Variants in LRRC37A3 observed in about 807,000 individuals in gnomAD.
LRRC37A3 encodes the protein leucine rich repeat containing 37 member A3, also known as leucine-rich repeat-containing protein 37A3.
Under a neutral mutation model 106.2 loss-of-function variants are expected in LRRC37A3, and 25 were observed. The ratio of observed to expected loss-of-function variants is 0.24; its 90% CI spans 0.17 to 0.33. The LOEUF is 0.33. LRRC37A3 is among the 10% of genes least tolerant of loss of function. The pLI, the probability that LRRC37A3 is intolerant of heterozygous loss-of-function variation, is 1.00. For missense variants in LRRC37A3, 712 were observed against 1,644.9 expected (o/e 0.43, Z 9.81); for synonymous variants, 305 against 635.8 (o/e 0.48, Z 7.83).
chr17:64,874,508 G>C (rs543903864), intron 8 of LRRC37A3, among the ~76,000 whole-genome samples: 10 of 151,350 alleles, frequency 6.6e-5, no homozygotes, highest in Non-Finnish European at 4.4e-5. Flanking sequence ...CAGCCGCCCC[G>C]TCCGGGAGGT....
intron 8 of LRRC37A3, among the ~76,000 whole-genome samples, chr17:64,875,476 C>T (rs1358667820): frequency 9.2e-5 from 14 of 152,150 alleles, no homozygotes; most frequent in Admixed American, 2.0e-4. Context: ...GGAGTACTAA[C>T]GTGAATCTAC....
intron 8 of LRRC37A3, among the ~76,000 whole-genome samples, chr17:64,870,997 A>G (rs944518424): frequency 5.3e-5 from 8 of 151,206 alleles, no homozygotes; most frequent in Non-Finnish European, 8.8e-5. Context: ...AGTCTCCCAA[A>G]TAGCTGGGAC....
intron 10 of LRRC37A3, among the ~76,000 whole-genome samples, chr17:64,868,186 A>G (rs1973182453): frequency 6.6e-6 from 1 of 152,230 alleles, no homozygotes; most frequent in African/African-American, 2.4e-5. Flanking sequence ...AGGAACAGAA[A>G]TCAGATTAGT....
intron 12 of LRRC37A3, among the ~76,000 whole-genome samples, chr17:64,859,143 G>A (rs540279386): frequency 1.1e-4 from 16 of 152,114 alleles, no homozygotes; most frequent in African/African-American, 3.4e-4. Context: ...GTGGAGACAG[G>A]CTTTCACTAT....
intron 10 of LRRC37A3, among the ~76,000 whole-genome samples, chr17:64,866,229 T>G (rs1426633845): frequency 6.6e-6 from 1 of 151,766 alleles, no homozygotes; most frequent in Non-Finnish European, 1.5e-5. Flanking sequence ...AGCTGGTCGA[T>G]GAAGGGGACT....
intron 2 of LRRC37A3, among the ~76,000 whole-genome samples, chr17:64,913,710 TAATC>T (rs1325324477): frequency 1.8e-4 from 28 of 151,444 alleles, no homozygotes; most frequent in Admixed American, 1.8e-3. Context: ...AGGGGTCAAA[TAATC>T]AAGAGGACAA....
intron 8 of LRRC37A3, among the ~76,000 whole-genome samples, chr17:64,875,860 A>G (rs1973494112): frequency 6.6e-6 from 1 of 152,168 alleles, no homozygotes; most frequent in South Asian, 2.1e-4. Flanking sequence ...GATGAACATA[A>G]AGTATATAAA....
At chr17:64,880,699 G>A (rs1973669362) in intron 8 of LRRC37A3, among the ~76,000 whole-genome samples, 1 of 151,790 alleles carries the variant, frequency 6.6e-6, no homozygotes, top group Non-Finnish European at 1.5e-5. Context: ...TTTTATATAA[G>A]CCTTTTGCTG....
At chr17:64,919,025 G>A (rs2143647282) in intron 1 of LRRC37A3, among the ~76,000 whole-genome samples, 155 bp from the exon 2 acceptor site, 1 of 152,256 alleles carries the variant, frequency 6.6e-6, no homozygotes, top group East Asian at 1.9e-4. Context: ...GGGGCTGGCG[G>A]CGGCGGCGGC....
intron 10 of LRRC37A3, 78 bp from the exon 11 acceptor site, chr17:64,863,096 C>T: frequency 6.3e-7 from 1 of 1,575,268 alleles, no homozygotes; most frequent in Non-Finnish European, 8.6e-7. Flanking sequence ...CCAACACTAC[C>T]ACAGGGGTGG....
chr17:64,873,525 G>A (rs1428486074), intron 8 of LRRC37A3, among the ~76,000 whole-genome samples: 1 of 150,914 alleles, frequency 6.6e-6, no homozygotes, highest in African/African-American at 2.4e-5. Context: ...ATTCAGTTCT[G>A]TAGACTAGAG....
At chr17:64,863,311 G>C (rs939631846) in intron 10 of LRRC37A3, 1 of 415,376 alleles carries the variant, frequency 2.4e-6, no homozygotes, top group Non-Finnish European at 4.4e-6. Flanking sequence ...GTCTCACTTT[G>C]GGCTGAAAGT....
intron 10 of LRRC37A3, among the ~76,000 whole-genome samples, chr17:64,865,729 G>A (rs1973045845): frequency 6.6e-6 from 1 of 152,214 alleles, no homozygotes; most frequent in African/African-American, 2.4e-5. Flanking sequence ...CATAACCAGA[G>A]GACTGTCATC....
At chr17:64,901,763 A>G in intron 2 of LRRC37A3, among the ~76,000 whole-genome samples, 1 of 136,928 alleles carries the variant, frequency 7.3e-6, no homozygotes, top group Non-Finnish European at 1.5e-5. Flanking sequence ...TAGTAACTTA[A>G]TTACAATCTC....
intron 2 of LRRC37A3, 53 bp downstream of exon 2, chr17:64,918,697 T>C (rs1974760099): frequency 9.1e-6 from 3 of 329,302 alleles, no homozygotes; most frequent in African/African-American, 4.5e-5. Context: ...AGTGAAAATA[T>C]TTAACAAATA....
rs772450185 is a variant in LRRC37A3, at chr17:64,862,889, T to C, written c.3172+11A>G. On this transcript the variant is annotated intron_variant, in intron 11 of 14. Transcript: ENST00000584306. The stretch of plus-strand genomic sequence containing the variant: ...AATGTAACAATTTATCACCATGCAA[T>C]TTGGACTCACGACAATGTGTGGTGT... 6.3e-7 allele frequency: 1 copy of C among 1,599,198 alleles called. No individual in the cohort carries two copies. Among genetic ancestry groups the C allele is most frequent in the South Asian group, 1.1e-5 (1 of 91,064 alleles).
intron 6 of LRRC37A3, among the ~76,000 whole-genome samples, chr17:64,888,377 G>A (rs2461082): frequency 0.075 from 9,657 of 128,094 alleles, 2 homozygotes; most frequent in Non-Finnish European, 0.11. Flanking sequence ...GCCCACATCC[G>A]TTTCTTCTTC....
chr17:64,860,951 A>G lies in LRRC37A3; in HGVS notation c.3195T>C (p.Asn1065=). The G allele has an allele frequency of 1.2e-6, 2 of 1,613,918 alleles. No individual in the cohort carries two copies. Among genetic ancestry groups the G allele is most frequent in the Non-Finnish European group, 1.7e-6 (2 of 1,179,906 alleles). The change falls in exon 12 of 15, where the codon AAT becomes AAC. Residue 1065 remains asparagine (N), a synonymous_variant. Transcript: ENST00000584306. ...ACACCTTCATGAACGCTCCTTCTGG[A>G]TTCCCTACAGATGCTTCTTCAGCTG... is the stretch of plus-strand genomic sequence containing the variant. ...THCPEEASVG[N]PEGAFMKVLQ...
Position 64,883,151 on chromosome 17 carries a change from C to A in LRRC37A3, c.2906+2935G>T, listed in dbSNP as rs1268505893. ...GGGCTTTGATAGTTAGCCGCCTGGTCCTTCTTGCTTGGATGCCCTGCAAAT... is the reference window on the plus strand; with the variant it reads ...GGGCTTTGATAGTTAGCCGCCTGGTACTTCTTGCTTGGATGCCCTGCAAAT... On this transcript the variant is annotated intron_variant, in intron 8 of 14. Coordinates refer to ENST00000584306, the MANE Select transcript of LRRC37A3 (RefSeq NM_199340.5). Among the ~76,000 whole-genome samples, 12 of 152,324 alleles carry A rather than the reference C, an allele frequency of 7.9e-5. No individual in the cohort carries two copies. In the East Asian group the frequency reaches 2.3e-3, roughly 29 times the overall value.
Sources: allele counts gnomAD v4.1 joint callset (sites outside exome capture counted in the v4.1 genomes callset), GRCh38; gene constraint gnomAD v4.1.1; transcripts MANE v1.5; gene names NCBI Gene and HGNC (gene_info 2026-07-23, HGNC 2026-07-21).